CDH23: variants seen among roughly 807,000 people sequenced by gnomAD.
CDH23 encodes the protein cadherin-23.
Under a neutral mutation model 317.1 loss-of-function variants are expected in CDH23, and 189 were observed. The observed-to-expected ratio is 0.60, with a 90% CI of 0.53 to 0.67. CDH23 has a LOEUF of 0.67. Ranked by LOEUF, CDH23 falls within the 30% of genes least tolerant of loss-of-function variation. CDH23 has a pLI of 0.00. For synonymous variants in CDH23, 1,839 were observed against 1,876.8 expected, an observed-to-expected ratio of 0.98 and a Z score of 0.52; for missense variants, 4,401 against 4,592.4, an observed-to-expected ratio of 0.96 and a Z score of 1.20.
chr10:71,528,549 C>T (rs898634253), intron 6 of CDH23, among the ~76,000 whole-genome samples: 2 of 152,192 alleles, frequency 1.3e-5, no homozygotes, highest in Non-Finnish European at 2.9e-5. Context: ...AAAGCCTCAT[C>T]GGAGCGTTAT....
rs141837285 is a variant in CDH23, at chr10:71,713,278, A to G, written c.3369+465A>G. The G allele has an allele frequency of 8.1e-4, 630 of 779,474 alleles. 7 individuals are homozygous for G. In the East Asian group the frequency reaches 0.011, roughly 14 times the overall value. 48.3% of individuals were successfully genotyped at this position (779,474 alleles called of 1,614,324 possible). The stretch of plus-strand genomic sequence containing the variant: ...GCTCCTTTGCCCAGGGAGCAGGCGC[A>G]ACAGCTCCAAGGCTCAGAGGGAGAG... On this transcript the variant is annotated intron_variant, in intron 28 of 69. Coordinates refer to ENST00000224721, the MANE Select transcript of CDH23 (RefSeq NM_022124.6).
chr10:71,519,929 C>T (rs1190140709), intron 6 of CDH23, among the ~76,000 whole-genome samples: 1 of 152,074 alleles, frequency 6.6e-6, no homozygotes, highest in Non-Finnish European at 1.5e-5. Context: ...GCTGGGACTA[C>T]AGGCACATAC....
At chr10:71,800,890 G>A in intron 53 of CDH23, 135 bp downstream of exon 53, 1 of 1,255,928 alleles carries the variant, frequency 8.0e-7, no homozygotes, top group Non-Finnish European at 1.1e-6. Context: ...GTGACAGAAA[G>A]GAGAAGGCAA....
intron 6 of CDH23, among the ~76,000 whole-genome samples, chr10:71,526,720 C>T (rs1250420340): frequency 1.3e-5 from 2 of 152,198 alleles, no homozygotes; most frequent in Non-Finnish European, 2.9e-5. Context: ...ATAATAATAA[C>T]GATCATGGAG....
At chr10:71,553,354 C>T (rs112236318) in intron 6 of CDH23, among the ~76,000 whole-genome samples, 11 of 152,288 alleles carry the variant, frequency 7.2e-5, no homozygotes, top group South Asian at 6.2e-4. Context: ...CAGCCCCGTT[C>T]GAACCTTCCC....
intron 3 of CDH23, among the ~76,000 whole-genome samples, chr10:71,504,915 G>A (rs1853550749): frequency 6.6e-6 from 1 of 152,230 alleles, no homozygotes; most frequent in Non-Finnish European, 1.5e-5. Flanking sequence ...CTGGCTGTGT[G>A]TGAGCGTCTC....
intron 60 of CDH23, among the ~76,000 whole-genome samples, chr10:71,808,382 T>C (rs1297506938): frequency 6.6e-6 from 1 of 152,088 alleles, no homozygotes; most frequent in Non-Finnish European, 1.5e-5. Context: ...CTTCCATCTG[T>C]CCATCCATCC....
intron 38 of CDH23, among the ~76,000 whole-genome samples, chr10:71,744,789 C>G: frequency 6.6e-6 from 1 of 152,318 alleles, no homozygotes; most frequent in East Asian, 1.9e-4. Context: ...TGAGGCCATC[C>G]ATCTCCAGGG....
At chr10:71,651,237 T>C (rs1377908532) in intron 14 of CDH23, among the ~76,000 whole-genome samples, 1 of 151,860 alleles carries the variant, frequency 6.6e-6, no homozygotes, top group Non-Finnish European at 1.5e-5. Flanking sequence ...GGAATAACAT[T>C]GGAGAAAAGA....
At position 71,800,761 on chromosome 10, in the gene CDH23, G is replaced by A. The variant is rs1291779694; in HGVS notation, c.7482+6G>A. 4 of 1,613,426 alleles carry A rather than the reference G, an allele frequency of 2.5e-6. No individual in the cohort carries two copies. The highest frequency in any genetic ancestry group is 3.4e-6 in the Non-Finnish European group (4 of 1,179,724). On this transcript the variant is annotated splice_donor_region_variant and intron_variant, in intron 53 of 69. Coordinates refer to ENST00000224721, the MANE Select transcript of CDH23 (RefSeq NM_022124.6). The stretch of plus-strand genomic sequence containing the variant: ...GTCGCGAAAATTCAGTGCAGGTGAG[G>A]GGTGCCAACCTGGGCCAGGGATGAC...
rs1176827755 is a variant in CDH23 at position 71,510,998 on chromosome 10, G to A, written c.333G>A (p.Gln111=). The change falls in exon 5 of 70, where the codon CAG becomes CAA. Residue 111 remains glutamine, a synonymous_variant. Coordinates refer to ENST00000224721, the MANE Select transcript of CDH23 (RefSeq NM_022124.6). ...FTVEFSVSDH[Q]GVITRKVNIQ... ...TGGAGTTCTCTGTCAGCGACCACCA[G>A]GGGGTGAGTGTTCCCTGGGGCCCTG... 1 of 1,613,870 alleles carries A rather than the reference G, an allele frequency of 6.2e-7. No homozygotes were observed. Among genetic ancestry groups the A allele is most frequent in the South Asian group, 1.1e-5 (1 of 91,084 alleles).
chr10:71,663,263 A>G (rs1435631550), intron 14 of CDH23, among the ~76,000 whole-genome samples: 6 of 152,178 alleles, frequency 3.9e-5, no homozygotes, highest in Non-Finnish European at 5.9e-5. Context: ...AGGGCTAGCC[A>G]TGGGGACCTG....
intron 3 of CDH23, among the ~76,000 whole-genome samples, chr10:71,500,089 T>G (rs949540452): frequency 1.3e-5 from 2 of 151,714 alleles, no homozygotes; most frequent in Admixed American, 6.6e-5. Context: ...AATAATTTAT[T>G]GTATATTTTA....
intron 6 of CDH23, among the ~76,000 whole-genome samples, chr10:71,539,916 G>A (rs866987417): frequency 2.6e-5 from 4 of 152,146 alleles, no homozygotes; most frequent in South Asian, 4.2e-4. Context: ...GTTTGCCTTT[G>A]TCTTGTTAAA....
chr10:71,688,916 G>T (rs1865042294), intron 19 of CDH23, among the ~76,000 whole-genome samples: 2 of 127,710 alleles, frequency 1.6e-5, no homozygotes, highest in African/African-American at 2.7e-5. Context: ...TGGAGCCAGG[G>T]GTGGTGGAGC....
At chr10:71,651,745 G>A (rs1260866947) in intron 14 of CDH23, among the ~76,000 whole-genome samples, 1 of 152,264 alleles carries the variant, frequency 6.6e-6, no homozygotes, top group South Asian at 2.1e-4. Flanking sequence ...TTCTGATAGT[G>A]GGGAAGGCCT....
At chr10:71,761,933 G>A in intron 38 of CDH23, 1 of 1,614,080 alleles carries the variant, frequency 6.2e-7, no homozygotes, top group Non-Finnish European at 8.5e-7. Context: ...TTTGTCCACA[G>A]GGCCCAAGAG....
intron 6 of CDH23, among the ~76,000 whole-genome samples, chr10:71,563,880 C>CT (rs534105414): frequency 1.0e-3 from 155 of 152,170 alleles, no homozygotes; most frequent in African/African-American, 3.7e-3. Context: ...TCCCCAGTAG[C>CT]TGGGATTACA....
intron 6 of CDH23, among the ~76,000 whole-genome samples, chr10:71,543,578 A>G (rs1163285252): frequency 2.0e-5 from 3 of 152,244 alleles, no homozygotes; most frequent in African/African-American, 7.2e-5. Context: ...AGAGGGAGGA[A>G]GTCAACCATT....
Sources: gnomAD v4.1 joint callset for allele counts (sites outside exome capture counted in the v4.1 genomes callset) on GRCh38, gnomAD v4.1.1 for gene constraint, MANE v1.5 for transcripts, NCBI Gene and HGNC (gene_info 2026-07-23, HGNC 2026-07-21) for gene names.